Variants in PJA1 observed in about 807,000 individuals in gnomAD.
PJA1 encodes the protein E3 ubiquitin-protein ligase Praja-1.
Under a neutral mutation model 14.1 loss-of-function variants are expected in PJA1, and 5 were observed. That is an observed-to-expected ratio of 0.35 (90% CI 0.18 to 0.74). The LOEUF is 0.74. Among genes scored for constraint, PJA1 ranks in the 30% least tolerant of loss-of-function variants. The pLI is 0.56. For synonymous variants in PJA1, 174 were observed against 190.9 expected (o/e 0.91, Z 0.73); for missense variants, 394 against 482.6 (o/e 0.82, Z 1.72).
intron 1 of PJA1, among the ~76,000 whole-genome samples, chrX:69,164,292 C>T (rs1015569936): frequency 9.2e-6 from 1 of 109,004 alleles, no homozygotes; most frequent in Admixed American, 9.8e-5. Flanking sequence ...CGAGTGTGTG[C>T]ACCTCAGGGA....
chrX:69,162,984 C>G lies in PJA1; in HGVS notation c.90G>C (p.Ser30=). The part of the protein sequence containing the change: ...TRRSWDDSES[S]GTNLNIDNED... ...CATTATCAATATTCAGGTTGGTTCC[C>G]GAACTCTCGCTGTCGTCCCAACTAC... Residue 30 remains serine (S), a synonymous_variant, in exon 2 of 2, where the codon TCG becomes TCC. Coordinates refer to ENST00000374571, the MANE Select transcript of PJA1 (RefSeq NM_001032396.4). The G allele has an allele frequency of 7.4e-6, 9 of 1,210,763 alleles. No homozygotes were observed. Among genetic ancestry groups the G allele is most frequent in the Non-Finnish European group, 1.0e-5 (9 of 895,353 alleles).
At chrX:69,163,784 G>A (rs142609905) in intron 1 of PJA1, among the ~76,000 whole-genome samples, 1,223 of 111,438 alleles carry the variant, frequency 0.011, 16 homozygotes, top group African/African-American at 0.037. Context: ...AAGGGGACCA[G>A]TAATCCTGCA....
Position 69,161,179 on chromosome X carries a change from G to A in PJA1, c.*128C>T. The stretch of plus-strand genomic sequence containing the variant: ...GTTTTCACATTGGAAATAATCACGA[G>A]GAATCAATAGGTTTAGGCTAACTGA... On this transcript the variant is annotated 3_prime_UTR_variant, in exon 2 of 2. Transcript: ENST00000374571. 1.1e-6 allele frequency: 1 copy of A among 913,248 alleles called. No homozygotes were observed. Among genetic ancestry groups the A allele is most frequent in the Non-Finnish European group, 1.4e-6 (1 of 693,369 alleles). The allele number at this position is 913,248 out of a possible 1,213,427, so 75.3% of individuals were successfully genotyped here. A position where few individuals can be genotyped will look rare whatever the true frequency, so the allele number is the denominator to read the frequency against.
chrX:69,164,814 C>A (rs1207804958), intron 1 of PJA1, among the ~76,000 whole-genome samples: 2 of 110,517 alleles, frequency 1.8e-5, no homozygotes, highest in African/African-American at 6.6e-5. Flanking sequence ...AAACGGGAGA[C>A]CCCAACCGAT....
chrX:69,162,299 T>C lies in PJA1; in HGVS notation c.775A>G (p.Ser259Gly). 1 of 1,211,290 alleles carries C rather than the reference T, an allele frequency of 8.3e-7. No homozygotes were observed. Among genetic ancestry groups the C allele is most frequent in the South Asian group, 1.8e-5 (1 of 56,859 alleles). Reference sequence around the variant, plus strand: ...GGGTACTTTGGCTCGGGATAGCCACTTGAACTCTCGCCTCTCCCTCTTCTT... The same window carrying C: ...GGGTACTTTGGCTCGGGATAGCCACCTGAACTCTCGCCTCTCCCTCTTCTT... Reference protein sequence around the residue: ...LARRGRGESSSGYPEPKYPED... With the variant: ...LARRGRGESSGGYPEPKYPED... The change falls in exon 2 of 2, where the codon AGT becomes GGT. Residue 259 changes from serine (S) to glycine (G), a missense_variant. Transcript: ENST00000374571.
Position 69,161,972 on chromosome X carries a change from C to A in PJA1, c.1102G>T (p.Ala368Ser). ...GCCCCGGCGCCAGCCCCGGCACTGGCACTAGCACCGGGGCCAGGGCTGGTG... is the reference window on the plus strand; with the variant it reads ...GCCCCGGCGCCAGCCCCGGCACTGGAACTAGCACCGGGGCCAGGGCTGGTG... Reference protein sequence around the residue: ...TGTSPGPGASASAGAGAGASA... With the variant: ...TGTSPGPGASSSAGAGAGASA... Residue 368 changes from alanine to serine, a missense_variant, in exon 2 of 2, where the codon GCC (alanine) becomes TCC (serine). By Grantham distance (99) the Ala-to-Ser change is moderately conservative. Transcript: ENST00000374571. The A allele has an allele frequency of 8.3e-7, 1 of 1,210,399 alleles. No homozygotes were observed. The highest frequency in any genetic ancestry group is 1.8e-5 in the South Asian group (1 of 56,828).
In PJA1 at chrX:69,162,789, C is replaced by A. The variant is rs1341994494; in HGVS notation, c.285G>T (p.Lys95Asn). ...TTGCCCCTTTCTCTGGGTCATACAG[C>A]TTATCATCTTTAAACTTGCCAGTTT... ...RGKTGKFKDDKLYDPEKGARS... is the reference protein window; with the variant it reads ...RGKTGKFKDDNLYDPEKGARS... The change falls in exon 2 of 2, where the codon AAG becomes AAT. Residue 95 changes from lysine to asparagine, a missense_variant. Around this residue, in one of 2 missense-constraint regions of PJA1, gnomAD observed 378 missense variants for 439.3 expected, o/e 0.86. Coordinates refer to ENST00000374571, the MANE Select transcript of PJA1 (RefSeq NM_001032396.4). The A allele has an allele frequency of 8.3e-7, 1 of 1,211,186 alleles. No homozygotes were observed. Among genetic ancestry groups the A allele is most frequent in the South Asian group, 1.8e-5 (1 of 56,825 alleles).
Position 69,162,970 on chromosome X carries a change from T to C in PJA1, c.104A>G (p.Asn35Ser). 8.3e-7 allele frequency: 1 copy of C among 1,210,884 alleles called. No individual in the cohort carries two copies. The highest frequency in any genetic ancestry group is 3.0e-5 in the East Asian group (1 of 33,804). The stretch of plus-strand genomic sequence containing the variant: ...CCTGGAATAGTCCTCATTATCAATA[T>C]TCAGGTTGGTTCCCGAACTCTCGCT... ...DDSESSGTNL[N>S]IDNEDYSRYP... The change falls in exon 2 of 2, where the codon AAT becomes AGT. Residue 35 changes from asparagine to serine, a missense_variant. Transcript: ENST00000374571.
Position 69,163,007 on chromosome X carries a change from T to C in PJA1, c.67A>G (p.Ser23Gly). 1.7e-6 allele frequency: 2 copies of C among 1,211,133 alleles called. No homozygotes were observed. Among genetic ancestry groups the C allele is most frequent in the Non-Finnish European group, 2.2e-6 (2 of 895,466 alleles). ...CCCGAACTCTCGCTGTCGTCCCAAC[T>C]ACGACGAGTAGTGGAAAATGGCGAT... Reference protein sequence around the residue: ...SRSPFSTTRRSWDDSESSGTN... With the variant: ...SRSPFSTTRRGWDDSESSGTN... The change falls in exon 2 of 2, where the codon AGT becomes GGT. Residue 23 changes from serine to glycine, a missense_variant. By Grantham distance (56) the Ser-to-Gly change is moderately conservative. Coordinates refer to ENST00000374571, the MANE Select transcript of PJA1 (RefSeq NM_001032396.4).
At chrX:69,163,666 C>T (rs1397713816) in intron 1 of PJA1, 2 of 140,741 alleles carry the variant, frequency 1.4e-5, no homozygotes, top group Non-Finnish European at 3.0e-5. Context: ...TTTCTGAGTG[C>T]TGCAGACATA....
rs779507812 is a variant in PJA1 at position 69,163,398 on chromosome X, G to A, written c.-67-258C>T. 5 of 541,927 alleles carry A rather than the reference G, an allele frequency of 9.2e-6. No individual in the cohort carries two copies. In the Admixed American group the frequency reaches 1.3e-4, roughly 14 times the overall value. 44.7% of individuals were successfully genotyped at this position (541,927 alleles called of 1,213,427 possible). On this transcript the variant is annotated intron_variant, in intron 1 of 1. Transcript: ENST00000374571. ...CAGGCAGGTAACAGAAAGAATAAGG[G>A]GCCTTTAAAATTAGTTTCACTTTCT...
At position 69,161,583 on chromosome X, in the gene PJA1, A is replaced by C; in HGVS notation, c.1491T>G (p.Leu497=). The stretch of plus-strand genomic sequence containing the variant: ...CCACTGCGAGAGACTCCAAGTGCGC[A>C]AGGGCAGTTTCCATTGCCTGGGCCA... The part of the protein sequence containing the change: ...ERLAQAMETA[L]AHLESLAVDV... The change falls in exon 2 of 2, where the codon CTT becomes CTG. Residue 497 remains leucine (L), a synonymous_variant. Coordinates refer to ENST00000374571, the MANE Select transcript of PJA1 (RefSeq NM_001032396.4). 1 of 1,211,766 alleles carries C rather than the reference A, an allele frequency of 8.3e-7. No homozygotes were observed. The highest frequency in any genetic ancestry group is 1.1e-6 in the Non-Finnish European group (1 of 895,554).
chrX:69,163,935 G>A (rs955346547), intron 1 of PJA1, among the ~76,000 whole-genome samples: 6 of 110,694 alleles, frequency 5.4e-5, no homozygotes, highest in Admixed American at 9.6e-5. Context: ...GGAAAGGGAA[G>A]GTGTTTGTGT....
intron 1 of PJA1, among the ~76,000 whole-genome samples, chrX:69,164,520 G>A (rs1191419360): frequency 2.8e-5 from 3 of 108,613 alleles, no homozygotes; most frequent in African/African-American, 1.0e-4. Context: ...CGCAGAGGCC[G>A]AGCAGGGAGG....
chrX:69,162,660 G>T lies in PJA1; in HGVS notation c.414C>A (p.Ser138Arg). ...DPVPAARCSA[S>R]RADFLPQSSV... is the part of the protein sequence containing the mutation. ...TACTTTGTGGCAGGAAGTCAGCTCTGCTAGCTGAGCATCTTGCTGCAGGGA... is the reference window on the plus strand; with the variant it reads ...TACTTTGTGGCAGGAAGTCAGCTCTTCTAGCTGAGCATCTTGCTGCAGGGA... The change falls in exon 2 of 2, where the codon AGC becomes AGA. Residue 138 changes from serine to arginine, a missense_variant. By Grantham distance (110) the Ser-to-Arg change is moderately radical (BLOSUM62 -1). Transcript: ENST00000374571. 8.3e-7 allele frequency: 1 copy of T among 1,210,155 alleles called. No individual in the cohort carries two copies. Among genetic ancestry groups the T allele is most frequent in the Non-Finnish European group, 1.1e-6 (1 of 894,738 alleles).
At chrX:69,163,460 T>A in intron 1 of PJA1, 1 of 394,753 alleles carries the variant, frequency 2.5e-6, no homozygotes. Context: ...GACTGTCAGG[T>A]GTAGACCTGG....
In PJA1 at chrX:69,161,924, T is replaced by G; in HGVS notation, c.1150A>C (p.Asn384His). The G allele has an allele frequency of 1.7e-6, 2 of 1,209,934 alleles. No homozygotes were observed. Among genetic ancestry groups the G allele is most frequent in the Non-Finnish European group, 2.2e-6 (2 of 895,027 alleles). Reference sequence around the variant, plus strand: ...GGTTCTCGAACTTCTTCAAGGTAATTGCTGCCATTGCTGCCAGCACTGGCC... The same window carrying G: ...GGTTCTCGAACTTCTTCAAGGTAATGGCTGCCATTGCTGCCAGCACTGGCC... ...AGASAGSNGS[N>H]YLEEVREPSL... is the part of the protein sequence containing the mutation. The change falls in exon 2 of 2, where the codon AAT becomes CAT. Residue 384 changes from asparagine to histidine, a missense_variant. Physicochemically the swap from Asn to His is moderately conservative, Grantham distance 68. Around this residue, in one of 2 missense-constraint regions of PJA1, gnomAD observed 378 missense variants for 439.3 expected, o/e 0.86. Transcript: ENST00000374571.
chrX:69,163,728 C>T (rs1250636644), intron 1 of PJA1, among the ~76,000 whole-genome samples: 1 of 111,189 alleles, frequency 9.0e-6, no homozygotes. Context: ...GCCGTGTGTG[C>T]ACGAGTGCCT....
rs190011418 is a variant in PJA1 at position 69,161,547 on chromosome X, C to T, written c.1527G>A (p.Val509=). 1.7e-6 allele frequency: 2 copies of T among 1,211,070 alleles called. No individual in the cohort carries two copies. The highest frequency in any genetic ancestry group is 2.2e-6 in the Non-Finnish European group (2 of 895,339). ...TCTCCTTGCTTGCTGGTGGATTGGC[C>T]ACCTCTACATCCACTGCGAGAGACT... The part of the protein sequence containing the change: ...HLESLAVDVE[V]ANPPASKESI... Residue 509 remains valine, a synonymous_variant, in exon 2 of 2, where the codon GTG becomes GTA. Coordinates refer to ENST00000374571, the MANE Select transcript of PJA1 (RefSeq NM_001032396.4).
Sources: gnomAD v4.1 joint callset for allele counts (sites outside exome capture counted in the v4.1 genomes callset) on GRCh38, gnomAD v4.1.1 for gene constraint, gnomAD v4.1.1 regional missense constraint, MANE v1.5 for transcripts, NCBI Gene and HGNC (gene_info 2026-07-23, HGNC 2026-07-21) for gene names.